The following ATP10A variants were observed in gnomAD, a reference collection of about 807,000 sequenced individuals.
The protein encoded by ATP10A is phospholipid-transporting ATPase VA.
In ATP10A, 111 loss-of-function variants were observed where a neutral mutation model predicts 147.8. That is an observed-to-expected ratio of 0.75 (90% CI 0.64 to 0.88). ATP10A has a LOEUF of 0.88. Ranked by LOEUF, ATP10A falls within the 40% of genes least tolerant of loss-of-function variation. The pLI is 0.00. For synonymous variants in ATP10A, 875 were observed against 841.6 expected (o/e 1.04, Z -0.69); for missense variants, 1,927 against 1,959.0 (o/e 0.98, Z 0.31).
intron 2 of ATP10A, among the ~76,000 whole-genome samples, chr15:25,754,446 G>A (rs527710904): frequency 6.6e-6 from 1 of 152,254 alleles, no homozygotes; most frequent in East Asian, 1.9e-4. Context: ...AAAGGGAACT[G>A]ACAGCAGTTG....
chr15:25,789,887 A>G (rs915299848), intron 1 of ATP10A, among the ~76,000 whole-genome samples: 1 of 152,182 alleles, frequency 6.6e-6, no homozygotes. Context: ...AACCTAAAAC[A>G]GCTCCAAACA....
chr15:25,717,890 G>A (rs538329116), intron 8 of ATP10A, among the ~76,000 whole-genome samples: 1 of 152,284 alleles, frequency 6.6e-6, no homozygotes, highest in East Asian at 1.9e-4. Flanking sequence ...ATCTTGTCCT[G>A]AGGTTTTATT....
chr15:25,713,637 C>A, intron 10 of ATP10A, 37 bp downstream of exon 10: 1 of 1,594,008 alleles, frequency 6.3e-7, no homozygotes, highest in Non-Finnish European at 8.6e-7. Flanking sequence ...GACCTCCTCC[C>A]CCGAGCTGGG....
chr15:25,749,495 C>T (rs753150526), intron 2 of ATP10A, among the ~76,000 whole-genome samples: 1 of 152,140 alleles, frequency 6.6e-6, no homozygotes, highest in African/African-American at 2.4e-5. Context: ...TCTAGATGAG[C>T]ACTTCTTTAG....
chr15:25,679,816 C>T lies in ATP10A; in HGVS notation c.4025G>A (p.Arg1342Lys), dbSNP rs769437993. The change falls in exon 21 of 21, where the codon AGG becomes AAG. Residue 1342 changes from arginine (R) to lysine (K), a missense_variant. Transcript: ENST00000555815. ...CAGGGGCACAGAGGTCTTGACTGTC[C>T]TCCCTGATGAGTGCTCGGTTCCCGA... is the stretch of plus-strand genomic sequence containing the variant. ...KDSGTEHSSG[R>K]TVKTSVPLSQ... is the part of the protein sequence containing the mutation. 6.2e-6 allele frequency: 10 copies of T among 1,612,374 alleles called. No homozygotes were observed. The highest frequency in any genetic ancestry group is 8.5e-6 in the Non-Finnish European group (10 of 1,179,882).
chr15:25,850,656 C>G (rs1893252478), intron 1 of ATP10A, among the ~76,000 whole-genome samples: 2 of 150,824 alleles, frequency 1.3e-5, no homozygotes, highest in Non-Finnish European at 3.0e-5. Flanking sequence ...CCCCCAGCCC[C>G]GGTGACTCAC....
intron 1 of ATP10A, among the ~76,000 whole-genome samples, chr15:25,842,539 C>T (rs1334883347): frequency 6.6e-6 from 1 of 152,164 alleles, no homozygotes; most frequent in East Asian, 1.9e-4. Flanking sequence ...TTTCAGTGCA[C>T]TGCCTAGAAA....
chr15:25,680,655 G>A (rs528036296), intron 19 of ATP10A, among the ~76,000 whole-genome samples, 155 bp downstream of exon 19: 26 of 152,272 alleles, frequency 1.7e-4, no homozygotes, highest in South Asian at 1.2e-3. Flanking sequence ...CACAGGGCTC[G>A]GGAATGTGTC....
chr15:25,742,050 G>C (rs752156103), intron 2 of ATP10A, among the ~76,000 whole-genome samples: 1 of 152,210 alleles, frequency 6.6e-6, no homozygotes, highest in Non-Finnish European at 1.5e-5. Flanking sequence ...CTATAATAGC[G>C]GCTGTGATTG....
At chr15:25,847,715 A>G (rs1226297338) in intron 1 of ATP10A, among the ~76,000 whole-genome samples, 1 of 136,600 alleles carries the variant, frequency 7.3e-6, no homozygotes, top group East Asian at 2.2e-4. Flanking sequence ...CACGTCTCAC[A>G]GCACTCTTAA....
rs1046276615 is a variant in ATP10A at position 25,792,783 on chromosome 15, G to C, written c.450-11560C>G. Among the ~76,000 whole-genome samples, 19 of 151,982 alleles carry C rather than the reference G, an allele frequency of 1.3e-4. No homozygotes were observed. In the East Asian group the frequency reaches 3.3e-3, roughly 26 times the overall value. ...AGTTCCATCTCCCCTGCCAGGGCAG[G>C]GCTCTCATCGCTGAGACCATCTTTA... On this transcript the variant is annotated intron_variant, in intron 1 of 20. Coordinates refer to ENST00000555815, the MANE Select transcript of ATP10A (RefSeq NM_024490.4).
chr15:25,864,003 T>C (rs536348875), upstream of ATP10A, among the ~76,000 whole-genome samples: 2 of 152,330 alleles, frequency 1.3e-5, no homozygotes, highest in East Asian at 3.9e-4. Context: ...CAGAATTTGG[T>C]TTGCAGGTAT....
chr15:25,846,952 T>C (rs1310574781), intron 1 of ATP10A, among the ~76,000 whole-genome samples: 1 of 152,242 alleles, frequency 6.6e-6, no homozygotes, highest in Non-Finnish European at 1.5e-5. Context: ...GCCCACTTTT[T>C]ACTGATAGAG....
intron 1 of ATP10A, among the ~76,000 whole-genome samples, chr15:25,826,432 T>A (rs548165160): frequency 1.3e-5 from 2 of 152,102 alleles, no homozygotes; most frequent in East Asian, 3.9e-4. Flanking sequence ...GGTGCGAAGG[T>A]GCACCTGTAG....
intron 15 of ATP10A, 128 bp downstream of exon 15, chr15:25,691,587 A>G: frequency 1.2e-6 from 1 of 861,746 alleles, no homozygotes; most frequent in Non-Finnish European, 1.9e-6. Context: ...AGCATCAGCT[A>G]TATTAAGGGC....
chr15:25,825,823 A>G (rs1301661034), intron 1 of ATP10A, among the ~76,000 whole-genome samples: 1 of 152,210 alleles, frequency 6.6e-6, no homozygotes, highest in Non-Finnish European at 1.5e-5. Flanking sequence ...ACAAATAAGA[A>G]AAGAAAGTCC....
In ATP10A at chr15:25,771,219, C is replaced by T. The variant is rs1024144937; in HGVS notation, c.654+9800G>A. On this transcript the variant is annotated intron_variant, in intron 2 of 20. Transcript: ENST00000555815. ...CAGGGGTGCAGCACAACATGCCCCC[C>T]GGGATCACTCATGAGGACATTGTTT... 5.9e-5 allele frequency among the ~76,000 whole-genome samples: 9 copies of T among 152,002 alleles called. No homozygotes were observed. The East Asian group carries it at 1.2e-3, about 20-fold the overall frequency.
At chr15:25,859,724 A>G (rs1318883992) in intron 1 of ATP10A, among the ~76,000 whole-genome samples, 4 of 152,124 alleles carry the variant, frequency 2.6e-5, no homozygotes, top group Admixed American at 2.6e-4. Flanking sequence ...AGGAAGCTAC[A>G]TTTCTAACAG....
intron 15 of ATP10A, chr15:25,688,086 C>T (rs1899799894): frequency 5.9e-6 from 3 of 506,606 alleles, no homozygotes; most frequent in South Asian, 4.5e-5. Context: ...ATATGTGTCA[C>T]TAATGGGGTT....
Sources: gnomAD v4.1 joint callset for allele counts (sites outside exome capture counted in the v4.1 genomes callset) on GRCh38, gnomAD v4.1.1 for gene constraint, MANE v1.5 for transcripts, NCBI Gene and HGNC (gene_info 2026-07-23, HGNC 2026-07-21) for gene names.